Variants in TULP3 observed in about 807,000 individuals in gnomAD.
The protein encoded by TULP3 is tubby-related protein 3.
A neutral mutation model predicts 50.7 loss-of-function variants in TULP3; 38 were observed. The observed-to-expected ratio is 0.75, with a 90% CI of 0.58 to 0.98. TULP3 has a LOEUF of 0.98. Among genes scored for constraint, TULP3 ranks in the 50% least tolerant of loss-of-function variants. TULP3 has a pLI of 0.00. For synonymous variants in TULP3, 183 were observed against 196.6 expected (o/e 0.93, Z 0.58); for missense variants, 550 against 568.0 (o/e 0.97, Z 0.32).
At position 2,940,013 on chromosome 12, in the gene TULP3, C is replaced by G; in HGVS notation, c.*569C>G. 1.6e-6 allele frequency: 2 copies of G among 1,287,320 alleles called. No homozygotes were observed. Among genetic ancestry groups the G allele is most frequent in the Non-Finnish European group, 2.0e-6 (2 of 987,116 alleles). 79.7% of individuals were successfully genotyped at this position (1,287,320 alleles called of 1,614,324 possible). On this transcript the variant is annotated 3_prime_UTR_variant, in exon 11 of 11. Coordinates refer to ENST00000448120, the MANE Select transcript of TULP3 (RefSeq NM_003324.5). ...TCGCAGTTCCTCTCCTCTCTTCATT[C>G]CCTCACAGCAGATTGGCCGGCACCA...
At chr12:2,912,977 T>TC (rs1194548077) in intron 2 of TULP3, among the ~76,000 whole-genome samples, 24 of 117,850 alleles carry the variant, frequency 2.0e-4, no homozygotes, top group Middle Eastern at 3.9e-3. Flanking sequence ...TTCTTTTTTT[T>TC]TTTTTTTCTT....
chr12:2,935,401 T>C (rs1388797088), intron 8 of TULP3, among the ~76,000 whole-genome samples: 1 of 152,240 alleles, frequency 6.6e-6, no homozygotes, highest in Non-Finnish European at 1.5e-5. Flanking sequence ...TTATTACTTG[T>C]TCAACATGAA....
intron 6 of TULP3, 60 bp downstream of exon 6, chr12:2,931,300 T>C: frequency 7.1e-6 from 11 of 1,544,038 alleles, no homozygotes; most frequent in Non-Finnish European, 9.7e-6. Context: ...TGGGAATAGA[T>C]TGTTGATGGG....
chr12:2,902,562 G>A (rs114427379), intron 1 of TULP3, among the ~76,000 whole-genome samples: 1,773 of 152,274 alleles, frequency 0.012, 38 homozygotes, highest in African/African-American at 0.04. Flanking sequence ...TAGATTTTGT[G>A]TTACTGGCAG....
rs555869353 is a variant in TULP3 at position 2,927,435 on chromosome 12, C to T, written c.395-2813C>T. Among the ~76,000 whole-genome samples, 49 of 137,276 alleles carry T rather than the reference C, an allele frequency of 3.6e-4. 1 individual carries two copies. Among genetic ancestry groups the T allele is most frequent in the African/African-American group, 1.1e-3 (39 of 35,612 alleles). 90.1% of individuals were successfully genotyped at this position (137,276 alleles called of 152,430 possible). On this transcript the variant is annotated intron_variant, in intron 4 of 10. Transcript: ENST00000448120. ...AGGCTAGAGTGCAGTGATGTGATCTCGGCTCACTGCAACCTCTGCTTCCTG... is the reference window on the plus strand; with the variant it reads ...AGGCTAGAGTGCAGTGATGTGATCTTGGCTCACTGCAACCTCTGCTTCCTG...
intron 5 of TULP3, 27 bp downstream of exon 5, chr12:2,930,372 T>C: frequency 6.9e-7 from 1 of 1,450,650 alleles, no homozygotes; most frequent in Non-Finnish European, 9.6e-7. Flanking sequence ...CTTCTTCCAT[T>C]AGAGCTAATT....
intron 2 of TULP3, among the ~76,000 whole-genome samples, chr12:2,918,566 G>A (rs2098189989): frequency 6.6e-6 from 1 of 151,794 alleles, no homozygotes; most frequent in Non-Finnish European, 1.5e-5. Flanking sequence ...TTGAAATGGA[G>A]TTTTGCTGTT....
At chr12:2,892,183 TG>T (rs764279483) in intron 1 of TULP3, among the ~76,000 whole-genome samples, 19 of 152,156 alleles carry the variant, frequency 1.2e-4, no homozygotes, top group Non-Finnish European at 1.8e-4. Context: ...ACAAAGTTGT[TG>T]GGGGTAAAGA....
chr12:2,918,527 C>A (rs1315586147), intron 2 of TULP3, among the ~76,000 whole-genome samples: 1 of 152,112 alleles, frequency 6.6e-6, no homozygotes, highest in Non-Finnish European at 1.5e-5. Flanking sequence ...TTCATATTTA[C>A]CACCTTTTCA....
At chr12:2,933,623 T>C in intron 7 of TULP3, 93 bp downstream of exon 7, 1 of 662,280 alleles carries the variant, frequency 1.5e-6, no homozygotes, top group East Asian at 3.0e-5. Flanking sequence ...AACTAGCATG[T>C]ATTGATGTTG....
chr12:2,916,046 G>T (rs535069263), intron 2 of TULP3, among the ~76,000 whole-genome samples: 2 of 151,954 alleles, frequency 1.3e-5, no homozygotes, highest in South Asian at 4.2e-4. Flanking sequence ...TGGTTGCTCT[G>T]TTGCCCAGGC....
At chr12:2,896,337 AAAAAT>A (rs1398500871) in intron 1 of TULP3, among the ~76,000 whole-genome samples, 1 of 152,252 alleles carries the variant, frequency 6.6e-6, no homozygotes, top group African/African-American at 2.4e-5. Context: ...AGGGCTGCTT[AAAAAT>A]CCATTCACTG....
intron 1 of TULP3, among the ~76,000 whole-genome samples, chr12:2,898,977 T>C (rs2159417): frequency 0.48 from 72,565 of 151,836 alleles, 17,810 homozygotes; most frequent in African/African-American, 0.6. Flanking sequence ...CTGCACCTGG[T>C]TGGAATTTGA....
intron 4 of TULP3, 68 bp from the exon 5 acceptor site, chr12:2,930,180 C>A: frequency 9.2e-7 from 1 of 1,084,138 alleles, no homozygotes; most frequent in Non-Finnish European, 1.3e-6. Flanking sequence ...AAAATTAAAA[C>A]TATCTTTGTT....
At chr12:2,902,004 T>A (rs1565497488) in intron 1 of TULP3, among the ~76,000 whole-genome samples, 1 of 152,208 alleles carries the variant, frequency 6.6e-6, no homozygotes, top group African/African-American at 2.4e-5. Context: ...TTTCTTGAGG[T>A]AAACCTTTTA....
intron 6 of TULP3, among the ~76,000 whole-genome samples, chr12:2,933,193 G>A (rs540429555): frequency 2.6e-5 from 4 of 152,118 alleles, no homozygotes; most frequent in South Asian, 2.1e-4. Context: ...TGCCCACCTC[G>A]GCCTCCCAAA....
chr12:2,930,365 C>T lies in TULP3; in HGVS notation c.492+20C>T. 6.6e-7 allele frequency: 1 copy of T among 1,505,026 alleles called. No homozygotes were observed. The allele number at this position is 1,505,026 out of a possible 1,614,324, so 93.2% of individuals were successfully genotyped here. Reference sequence around the variant, plus strand: ...TCAACCGTATGTAGTTCTGAAACTTCTTCCATTAGAGCTAATTTGACTCTT... The same window carrying T: ...TCAACCGTATGTAGTTCTGAAACTTTTTCCATTAGAGCTAATTTGACTCTT... On this transcript the variant is annotated intron_variant, in intron 5 of 10. Transcript: ENST00000448120.
chr12:2,916,197 A>G (rs1435173717), intron 2 of TULP3, among the ~76,000 whole-genome samples: 1 of 151,444 alleles, frequency 6.6e-6, no homozygotes, highest in Non-Finnish European at 1.5e-5. Context: ...TTTAGTAGAG[A>G]TGGGGTTTCC....
intron 4 of TULP3, among the ~76,000 whole-genome samples, chr12:2,922,855 A>ATTT (rs373807687): frequency 0.025 from 3,398 of 136,770 alleles, 172 homozygotes; most frequent in African/African-American, 0.083. Context: ...TAGAAAAATA[A>ATTT]TTTTTTTTTT....
Sources: gnomAD v4.1 joint callset for allele counts (sites outside exome capture counted in the v4.1 genomes callset) on GRCh38, gnomAD v4.1.1 for gene constraint, MANE v1.5 for transcripts, NCBI Gene and HGNC (gene_info 2026-07-23, HGNC 2026-07-21) for gene names.